GPD1L: variants seen among roughly 807,000 people sequenced by gnomAD.
GPD1L encodes glycerol-3-phosphate dehydrogenase 1 like, also known as glycerol-3-phosphate dehydrogenase 1-like protein.
Under a neutral mutation model 32.9 loss-of-function variants are expected in GPD1L, and 17 were observed. The observed-to-expected ratio is 0.52, with a 90% CI of 0.35 to 0.78. GPD1L has a LOEUF of 0.78. Ranked by LOEUF, GPD1L falls within the 30% of genes least tolerant of loss-of-function variation. The probability of loss-of-function intolerance (pLI) is 0.01; values close to 1 mark genes in which losing one functional copy is unlikely to be tolerated. For missense variants in GPD1L, 361 were observed against 447.8 expected, an observed-to-expected ratio of 0.81 and a Z score of 1.75; for synonymous variants, 187 against 165.9, an observed-to-expected ratio of 1.13 and a Z score of -0.98.
Position 32,159,003 on chromosome 3 carries a change from T to C in GPD1L, c.746T>C (p.Val249Ala), listed in dbSNP as rs2125497880. 6.2e-7 allele frequency: 1 copy of C among 1,614,104 alleles called. No individual in the cohort carries two copies. The highest frequency in any genetic ancestry group is 2.2e-5 in the East Asian group (1 of 44,886). Residue 249 changes from valine to alanine, a missense_variant, in exon 6 of 8, where the codon GTG becomes GCG. Physicochemically the swap from Val to Ala is moderately conservative, Grantham distance 64. Coordinates refer to ENST00000282541, the MANE Select transcript of GPD1L (RefSeq NM_015141.4). ...AFARIFCKGQVSTATFLESCG... is the reference protein window; with the variant it reads ...AFARIFCKGQASTATFLESCG... ...GCCAGGATCTTCTGCAAAGGCCAAG[T>C]GTCTACAGCCACCTTCCTAGAGAGC...
intron 2 of GPD1L, among the ~76,000 whole-genome samples, chr3:32,136,887 G>A (rs937035773): frequency 1.3e-5 from 2 of 152,144 alleles, no homozygotes; most frequent in Non-Finnish European, 1.5e-5. Flanking sequence ...GCAACCCACT[G>A]TCTTGAGGGC....
chr3:32,135,338 G>A (rs930016656), intron 2 of GPD1L, among the ~76,000 whole-genome samples: 6 of 152,240 alleles, frequency 3.9e-5, no homozygotes, highest in Non-Finnish European at 5.9e-5. Flanking sequence ...TGTGAAGGCC[G>A]TGGGAAGATG....
At chr3:32,146,880 T>G (rs550483441) in intron 5 of GPD1L, 146 bp downstream of exon 5, 39 of 695,368 alleles carry the variant, frequency 5.6e-5, no homozygotes, top group Non-Finnish European at 8.9e-5. Flanking sequence ...ACTTCCTGTT[T>G]TGCTGCAGCC....
chr3:32,128,500 A>G (rs568901702), intron 2 of GPD1L, among the ~76,000 whole-genome samples: 247 of 152,278 alleles, frequency 1.6e-3, no homozygotes, highest in African/African-American at 5.5e-3. Context: ...ATAATTCTAG[A>G]GGTTTTGAGC....
At chr3:32,130,560 C>T (rs1700572903) in intron 2 of GPD1L, among the ~76,000 whole-genome samples, 1 of 152,166 alleles carries the variant, frequency 6.6e-6, no homozygotes, top group South Asian at 2.1e-4. Context: ...TCATGTGGCC[C>T]CTCCCACATA....
At chr3:32,134,159 A>G (rs1486747816) in intron 2 of GPD1L, among the ~76,000 whole-genome samples, 2 of 152,250 alleles carry the variant, frequency 1.3e-5, no homozygotes, top group African/African-American at 4.8e-5. Flanking sequence ...TTTTCAGAGC[A>G]GAAAATCGGG....
In GPD1L at chr3:32,168,043, G is replaced by A. The variant is rs1701173201; in HGVS notation, c.*2133G>A. 1 of 152,172 alleles carries A rather than the reference G, an allele frequency of 6.6e-6. No individual in the cohort carries two copies. Among genetic ancestry groups the A allele is most frequent in the South Asian group, 2.1e-4 (1 of 4,828 alleles). 9.4% of individuals were successfully genotyped at this position (152,172 alleles called of 1,614,324 possible). ...TAGTAAGTAGCATAATGAGATGTGA[G>A]GAGTTGGAACTTTGCGTGTTTTGCG... is the stretch of plus-strand genomic sequence containing the variant. On this transcript the variant is annotated 3_prime_UTR_variant, in exon 8 of 8. Coordinates refer to ENST00000282541, the MANE Select transcript of GPD1L (RefSeq NM_015141.4).
At chr3:32,137,733 T>TTAAA (rs1406492636) in intron 2 of GPD1L, among the ~76,000 whole-genome samples, 2 of 152,192 alleles carry the variant, frequency 1.3e-5, no homozygotes, top group African/African-American at 4.8e-5. Flanking sequence ...TTCTGCCGTG[T>TTAAA]TAAACTAATC....
intron 1 of GPD1L, among the ~76,000 whole-genome samples, chr3:32,111,065 C>T (rs915274705): frequency 1.3e-5 from 2 of 152,134 alleles, no homozygotes; most frequent in African/African-American, 4.8e-5. Context: ...AGGGTTTTGC[C>T]GTGTTGGCCA....
Position 32,146,647 on chromosome 3 carries a change from T to C in GPD1L, c.531T>C (p.Leu177=), listed in dbSNP as rs750179987. The C allele has an allele frequency of 1.2e-6, 2 of 1,612,276 alleles. No homozygotes were observed. Among genetic ancestry groups the C allele is most frequent in the Non-Finnish European group, 1.7e-6 (2 of 1,178,324 alleles). ...TIGSKVMENG[L]LFKELLQTPN... ...GCAGCAAAGTAATGGAGAACGGCCT[T>C]CTCTTCAAAGAACTTCTGCAGACTC... Residue 177 remains leucine, a synonymous_variant, in exon 5 of 8, where the codon CTT becomes CTC. Coordinates refer to ENST00000282541, the MANE Select transcript of GPD1L (RefSeq NM_015141.4).
rs61519740 is a variant in GPD1L, at chr3:32,108,431, T to G, written c.47+1673T>G. 0.033 allele frequency among the ~76,000 whole-genome samples: 5,061 copies of G among 152,250 alleles called. 516 individuals carry two copies. In the East Asian group the frequency reaches 0.38, roughly 11 times the overall value. On this transcript the variant is annotated intron_variant, in intron 1 of 7. Coordinates refer to ENST00000282541, the MANE Select transcript of GPD1L (RefSeq NM_015141.4). ...CTAAGGCAGCAGAATCGCCTGAGCC[T>G]GGGAGGCAGAGGTTGCAGTGAGCCA...
At chr3:32,108,530 C>CA (rs977718432) in intron 1 of GPD1L, among the ~76,000 whole-genome samples, 45 of 152,110 alleles carry the variant, frequency 3.0e-4, no homozygotes, top group Admixed American at 7.2e-4. Flanking sequence ...CAAAACAAAA[C>CA]AAAAAATAAA....
intron 1 of GPD1L, among the ~76,000 whole-genome samples, chr3:32,127,328 G>T (rs2125478105): frequency 6.6e-6 from 1 of 152,348 alleles, no homozygotes; most frequent in South Asian, 2.1e-4. Context: ...GCTCAGCTAG[G>T]ATCAAGTGCC....
At chr3:32,128,701 C>A (rs753431949) in intron 2 of GPD1L, among the ~76,000 whole-genome samples, 1 of 152,168 alleles carries the variant, frequency 6.6e-6, no homozygotes, top group Non-Finnish European at 1.5e-5. Flanking sequence ...TCTTTTAAGA[C>A]ACTGTTTCCA....
intron 1 of GPD1L, among the ~76,000 whole-genome samples, chr3:32,110,817 C>A (rs1346040244): frequency 2.0e-5 from 3 of 152,220 alleles, no homozygotes; most frequent in Admixed American, 1.3e-4. Context: ...GGAAAAACAA[C>A]AAAAGCTTCT....
chr3:32,134,930 C>G (rs1700643527), intron 2 of GPD1L, among the ~76,000 whole-genome samples: 1 of 152,160 alleles, frequency 6.6e-6, no homozygotes, highest in South Asian at 2.1e-4. Flanking sequence ...ACTCATATTA[C>G]TTAATTGGAA....
chr3:32,123,791 A>AAGATAGATAGATGGATAGAT (rs1700459647), intron 1 of GPD1L, among the ~76,000 whole-genome samples: 1 of 126,890 alleles, frequency 7.9e-6, no homozygotes, highest in Admixed American at 8.0e-5. Context: ...CAGGAATTGA[A>AAGATAGATAGATGGATAGAT]AGATAGATAG....
rs1700699957 is a variant in GPD1L, at chr3:32,138,679, G to C, written c.318G>C (p.Glu106Asp). ...AGTTCATTCACAGAATCTGTGATGA[G>C]ATCACTGGGAGAGTGCCCAAGAAAG... ...PHQFIHRICD[E>D]ITGRVPKKAL... Residue 106 changes from glutamate (E) to aspartate (D), a missense_variant, in exon 3 of 8, where the codon GAG becomes GAC. Physicochemically the swap from Glu to Asp is conservative, Grantham distance 45. Transcript: ENST00000282541. 4 of 1,613,918 alleles carry C rather than the reference G, an allele frequency of 2.5e-6. No individual in the cohort carries two copies. The highest frequency in any genetic ancestry group is 3.4e-6 in the Non-Finnish European group (4 of 1,179,906).
chr3:32,153,865 A>C (rs1372797407), intron 5 of GPD1L, among the ~76,000 whole-genome samples: 2 of 152,202 alleles, frequency 1.3e-5, no homozygotes. Flanking sequence ...TCAGAACTGG[A>C]AAGAGTACAC....
Sources: allele counts gnomAD v4.1 joint callset (sites outside exome capture counted in the v4.1 genomes callset), GRCh38; gene constraint gnomAD v4.1.1; transcripts MANE v1.5; gene names NCBI Gene and HGNC (gene_info 2026-07-23, HGNC 2026-07-21).